Variants in TOPAZ1 observed in about 807,000 individuals in gnomAD.
The protein encoded by TOPAZ1 is testis and ovary specific TOPAZ 1.
Under a neutral mutation model 172.2 loss-of-function variants are expected in TOPAZ1, and 66 were observed. The observed-to-expected ratio is 0.38, with a 90% CI of 0.31 to 0.47. The LOEUF (loss-of-function observed/expected upper bound fraction) is 0.47. Ranked by LOEUF, TOPAZ1 falls within the 20% of genes least tolerant of loss-of-function variation. The pLI is 0.99. For missense variants in TOPAZ1, 1,822 were observed against 1,972.4 expected (o/e 0.92, Z 1.44); for synonymous variants, 681 against 683.9 (o/e 1.00, Z 0.07).
In TOPAZ1 at chr3:44,243,040, A is replaced by G. The variant is rs893353507; in HGVS notation, c.534A>G (p.Leu178=). 6.5e-7 allele frequency: 1 copy of G among 1,542,088 alleles called. No individual in the cohort carries two copies. The highest frequency in any genetic ancestry group is 8.7e-7 in the Non-Finnish European group (1 of 1,144,766). The change falls in exon 2 of 20, where the codon TTA becomes TTG. Residue 178 remains leucine, a synonymous_variant. Coordinates refer to ENST00000309765, the MANE Select transcript of TOPAZ1 (RefSeq NM_001145030.2). Reference sequence around the variant, plus strand: ...TTCGAAATAAAAAACTTAAAAGCTTAGAAAACCCACCTCTCAAAATAACCG... The same window carrying G: ...TTCGAAATAAAAAACTTAAAAGCTTGGAAAACCCACCTCTCAAAATAACCG... ...RRIRNKKLKS[L]ENPPLKITEN... is the part of the protein sequence containing the mutation.
At position 44,305,320 on chromosome 3, in the gene TOPAZ1, A is replaced by G. The variant is rs1700322194; in HGVS notation, c.4038A>G (p.Thr1346=). 1 of 1,533,154 alleles carries G rather than the reference A, an allele frequency of 6.5e-7. No individual in the cohort carries two copies. The highest frequency in any genetic ancestry group is 1.3e-5 in the South Asian group (1 of 79,848). The allele number at this position is 1,533,154 out of a possible 1,614,324, so 95.0% of individuals were successfully genotyped here. Reference sequence around the variant, plus strand: ...TTCCCTTTTGTGAATTTGCTGAAACAGGTAAAATGTAACTATTGGCCTGAA... The same window carrying G: ...TTCCCTTTTGTGAATTTGCTGAAACGGGTAAAATGTAACTATTGGCCTGAA... The part of the protein sequence containing the change: ...PDIPFCEFAE[T]VSKDPQNSKV... The change falls in exon 14 of 20, where the codon ACA becomes ACG. Residue 1346 remains threonine, a splice_region_variant and synonymous_variant. Coordinates refer to ENST00000309765, the MANE Select transcript of TOPAZ1 (RefSeq NM_001145030.2).
At chr3:44,295,574 G>A (rs752852173) in intron 12 of TOPAZ1, among the ~76,000 whole-genome samples, 1 of 152,122 alleles carries the variant, frequency 6.6e-6, no homozygotes, top group African/African-American at 2.4e-5. Context: ...GTTTTAAAAG[G>A]AGCATGAGTG....
intron 5 of TOPAZ1, among the ~76,000 whole-genome samples, chr3:44,263,290 CT>C (rs1699794925): frequency 6.6e-6 from 1 of 152,022 alleles, no homozygotes; most frequent in East Asian, 1.9e-4. Flanking sequence ...ATAAGATTAA[CT>C]TTTTTTTCTG....
chr3:44,330,867 G>C (rs866348367), intron 19 of TOPAZ1, among the ~76,000 whole-genome samples: 11 of 152,310 alleles, frequency 7.2e-5, no homozygotes, highest in Middle Eastern at 6.8e-3. Flanking sequence ...ATTGCAGATG[G>C]CGCTGGTAGA....
At chr3:44,332,218 T>G (rs1700679118), downstream of TOPAZ1, 1 of 513,366 alleles carries the variant, frequency 1.9e-6, no homozygotes, top group African/African-American at 1.9e-5. Flanking sequence ...CAGATTACTT[T>G]TTGACTTTAA....
downstream of TOPAZ1, among the ~76,000 whole-genome samples, chr3:44,332,765 G>T (rs1431588691): frequency 6.6e-6 from 1 of 150,848 alleles, no homozygotes; most frequent in African/African-American, 2.4e-5. Context: ...TGTGAATAAG[G>T]TGAGTAATAA....
intron 16 of TOPAZ1, among the ~76,000 whole-genome samples, chr3:44,316,613 T>C (rs886790247): frequency 6.6e-5 from 10 of 152,136 alleles, no homozygotes; most frequent in African/African-American, 2.4e-4. Context: ...CTACTGACAT[T>C]TTTTCTACTT....
chr3:44,247,645 C>T (rs1023603292), intron 2 of TOPAZ1, among the ~76,000 whole-genome samples: 3 of 152,064 alleles, frequency 2.0e-5, no homozygotes, highest in East Asian at 1.9e-4. Context: ...TTCCTCTAAT[C>T]TTGACTATTT....
chr3:44,302,332 C>A (rs1466909601), intron 12 of TOPAZ1, among the ~76,000 whole-genome samples: 2 of 152,128 alleles, frequency 1.3e-5, no homozygotes, highest in Non-Finnish European at 2.9e-5. Flanking sequence ...ATGGCGTGAA[C>A]CCAGAAGGCG....
intron 5 of TOPAZ1, among the ~76,000 whole-genome samples, chr3:44,266,734 C>T (rs941301777): frequency 2.0e-5 from 3 of 151,766 alleles, no homozygotes; most frequent in African/African-American, 7.3e-5. Flanking sequence ...TCATAGAGCA[C>T]CATAACAGAT....
intron 9 of TOPAZ1, 129 bp downstream of exon 9, chr3:44,282,160 GA>G: frequency 1.8e-6 from 1 of 569,672 alleles, no homozygotes; most frequent in Non-Finnish European, 3.1e-6. Flanking sequence ...GTTGGCCTAA[GA>G]AAGGATTGAA....
Position 44,243,099 on chromosome 3 carries a change from T to G in TOPAZ1, c.593T>G (p.Phe198Cys), listed in dbSNP as rs2125674712. Residue 198 changes from phenylalanine to cysteine, a missense_variant, in exon 2 of 20, where the codon TTC (phenylalanine) becomes TGC (cysteine). By Grantham distance (205) the Phe-to-Cys change is radical. Around this residue, in one of 2 missense-constraint regions of TOPAZ1, gnomAD observed 1,489 missense variants for 1,490.8 expected, o/e 1.00. Coordinates refer to ENST00000309765, the MANE Select transcript of TOPAZ1 (RefSeq NM_001145030.2). ...NEATQNIKVE[F>C]QDELYKNTPK... ...GCTACACAAAATATTAAGGTTGAAT[T>G]CCAAGATGAACTGTACAAGAATACT... is the stretch of plus-strand genomic sequence containing the variant. The G allele has an allele frequency of 6.5e-7, 1 of 1,548,338 alleles. No homozygotes were observed. The highest frequency in any genetic ancestry group is 8.7e-7 in the Non-Finnish European group (1 of 1,145,790).
intron 12 of TOPAZ1, among the ~76,000 whole-genome samples, chr3:44,292,806 T>G (rs1700152570): frequency 6.6e-6 from 1 of 152,222 alleles, no homozygotes; most frequent in Admixed American, 6.5e-5. Context: ...TTCCAGAGCT[T>G]CTCTTCTGGT....
intron 18 of TOPAZ1, among the ~76,000 whole-genome samples, chr3:44,327,373 T>C (rs1310906080): frequency 6.8e-6 from 1 of 147,912 alleles, no homozygotes; most frequent in Non-Finnish European, 1.5e-5. Context: ...ATATATAGTT[T>C]GGATGTTCTA....
chr3:44,278,466 G>A (rs1037960576), intron 8 of TOPAZ1, among the ~76,000 whole-genome samples: 9 of 151,996 alleles, frequency 5.9e-5, no homozygotes, highest in Non-Finnish European at 1.2e-4. Context: ...GTTCTTCTTC[G>A]AAAGTTTGGA....
chr3:44,293,880 A>G (rs1174964118), intron 12 of TOPAZ1, among the ~76,000 whole-genome samples: 2 of 152,346 alleles, frequency 1.3e-5, no homozygotes, highest in South Asian at 4.1e-4. Flanking sequence ...TGTACCATCT[A>G]GGTTTGTGTA....
intron 17 of TOPAZ1, 90 bp from the exon 18 acceptor site, chr3:44,323,000 TGA>T (rs1440470108): frequency 1.3e-6 from 1 of 776,232 alleles, no homozygotes; most frequent in East Asian, 2.8e-5. Context: ...TAAGAAAGGG[TGA>T]AGGGGAGGAG....
intron 12 of TOPAZ1, among the ~76,000 whole-genome samples, chr3:44,300,654 A>T (rs529403111): frequency 1.3e-5 from 2 of 152,244 alleles, no homozygotes; most frequent in Admixed American, 1.3e-4. Flanking sequence ...ACTGGATCAT[A>T]TGCTGTTAGT....
intron 12 of TOPAZ1, among the ~76,000 whole-genome samples, chr3:44,299,329 C>T (rs1700241883): frequency 6.6e-6 from 1 of 152,044 alleles, no homozygotes. Flanking sequence ...GACATTTATG[C>T]AGCCAAAAAA....
Sources: gnomAD v4.1 joint callset for allele counts (sites outside exome capture counted in the v4.1 genomes callset) on GRCh38, gnomAD v4.1.1 for gene constraint, gnomAD v4.1.1 regional missense constraint, MANE v1.5 for transcripts, NCBI Gene and HGNC (gene_info 2026-07-23, HGNC 2026-07-21) for gene names.